PTPRD: variants seen among roughly 807,000 people sequenced by gnomAD.
PTPRD encodes the protein receptor-type tyrosine-protein phosphatase delta.
PTPRD carries 34 observed loss-of-function variants against 214.5 expected under a neutral mutation model. The ratio of observed to expected loss-of-function variants is 0.16; its 90% CI spans 0.12 to 0.21. PTPRD has a LOEUF of 0.21. Among genes scored for constraint, PTPRD ranks in the 10% least tolerant of loss-of-function variants. The pLI is 1.00. For missense variants in PTPRD, 2,545 were observed against 2,398.7 expected (o/e 1.06, Z -1.27); for synonymous variants, 1,128 against 845.7 (o/e 1.33, Z -5.79).
chr9:9,368,591 A>G (rs1304281875), intron 9 of PTPRD, among the ~76,000 whole-genome samples: 1 of 151,842 alleles, frequency 6.6e-6, no homozygotes, highest in Non-Finnish European at 1.5e-5. Flanking sequence ...AAAAAGTCCC[A>G]AAGATTATTC....
chr9:9,455,028 G>A (rs10977769), intron 8 of PTPRD, among the ~76,000 whole-genome samples: 23,130 of 151,466 alleles, frequency 0.15, 1,875 homozygotes, highest in Middle Eastern at 0.29. Flanking sequence ...CAAGTATTGC[G>A]TTTTATCTAT....
chr9:9,674,141 G>C (rs1445022353), intron 7 of PTPRD, among the ~76,000 whole-genome samples: 2 of 151,762 alleles, frequency 1.3e-5, no homozygotes, highest in Middle Eastern at 6.8e-3. Context: ...TATTTGATTT[G>C]GGGAGTTAAA....
intron 8 of PTPRD, among the ~76,000 whole-genome samples, chr9:9,468,416 T>C (rs1247406374): frequency 6.6e-6 from 1 of 152,124 alleles, no homozygotes; most frequent in Non-Finnish European, 1.5e-5. Context: ...GTTATATCTG[T>C]AAACACATAC....
At chr9:8,675,445 C>T (rs560544758) in intron 12 of PTPRD, among the ~76,000 whole-genome samples, 5 of 148,372 alleles carry the variant, frequency 3.4e-5, no homozygotes, top group African/African-American at 1.3e-4. Flanking sequence ...CCTCCCCCTC[C>T]TAAATCTATG....
At chr9:9,663,850 A>C (rs889540064) in intron 7 of PTPRD, among the ~76,000 whole-genome samples, 9 of 151,562 alleles carry the variant, frequency 5.9e-5, no homozygotes, top group Non-Finnish European at 1.2e-4. Context: ...GGAATGTCAA[A>C]AGCAAAGTTG....
Position 9,320,316 on chromosome 9 carries a change from T to C in PTPRD, c.-203+77133A>G, listed in dbSNP as rs1051574748. Among the ~76,000 whole-genome samples, 6 of 152,262 alleles carry C rather than the reference T, an allele frequency of 3.9e-5. No homozygotes were observed. In the South Asian group the frequency reaches 1.0e-3, roughly 26 times the overall value. On this transcript the variant is annotated intron_variant, in intron 9 of 45. Transcript: ENST00000381196. ...CAATACGGAGAAGAAGGTGGTGAGA[T>C]TGGGTATTTGGTTCTTATTTAAAAG...
intron 35 of PTPRD, among the ~76,000 whole-genome samples, chr9:8,409,847 T>C (rs984619049): frequency 6.6e-6 from 1 of 152,184 alleles, no homozygotes; most frequent in Non-Finnish European, 1.5e-5. Context: ...ATAGAAGGAA[T>C]AGACCAGTTA....
Position 8,674,449 on chromosome 9 carries a change from G to A in PTPRD, c.65-37605C>T, listed in dbSNP as rs534006965. ...CTCCAGCCTGGTGGCAGAGCAAGAC[G>A]CTGTCTCAAAAAAAAAAAAAAAAAA... On this transcript the variant is annotated intron_variant, in intron 12 of 45. Transcript: ENST00000381196. Among the ~76,000 whole-genome samples the A allele has an allele frequency of 1.8e-3, 164 of 91,508 alleles. 1 individual carries two copies. The highest frequency in any genetic ancestry group is 1.0e-3 in the Non-Finnish European group (53 of 52,022). 60.0% of individuals were successfully genotyped at this position (91,508 alleles called of 152,430 possible).
intron 2 of PTPRD, among the ~76,000 whole-genome samples, chr9:10,426,544 T>A (rs1219348475): frequency 6.6e-6 from 1 of 152,030 alleles, no homozygotes; most frequent in Non-Finnish European, 1.5e-5. Context: ...CATATTCACC[T>A]CATTTCTAGA....
chr9:10,179,194 A>G (rs1288688132), intron 3 of PTPRD, among the ~76,000 whole-genome samples: 1 of 152,028 alleles, frequency 6.6e-6, no homozygotes, highest in Non-Finnish European at 1.5e-5. Context: ...ACACTAAAGT[A>G]ACATTTAAAT....
intron 7 of PTPRD, among the ~76,000 whole-genome samples, chr9:9,619,126 G>A (rs2095079499): frequency 6.6e-6 from 1 of 152,092 alleles, no homozygotes. Flanking sequence ...ATTATACTAA[G>A]GCAAACGCAT....
chr9:8,580,230 T>A (rs2092927102), intron 14 of PTPRD, among the ~76,000 whole-genome samples: 1 of 152,146 alleles, frequency 6.6e-6, no homozygotes, highest in Admixed American at 6.5e-5. Flanking sequence ...CAAGGTAATA[T>A]GCAAAGAAAG....
chr9:10,194,942 T>A (rs1206950984), intron 3 of PTPRD, among the ~76,000 whole-genome samples: 1 of 99,192 alleles, frequency 1.0e-5, no homozygotes, highest in Non-Finnish European at 2.0e-5. Context: ...TTTCATTTAA[T>A]TTTTTTTTTT....
chr9:8,876,548 G>A lies in PTPRD; in HGVS notation c.-104+142149C>T, dbSNP rs565112936. Among the ~76,000 whole-genome samples the A allele has an allele frequency of 1.5e-4, 23 of 152,250 alleles. 1 individual carries two copies. The highest frequency in any genetic ancestry group is 5.3e-4 in the African/African-American group (22 of 41,542). On this transcript the variant is annotated intron_variant, in intron 11 of 45. Transcript: ENST00000381196. ...TACAGTATCCTCAGAAGAATTTGGA[G>A]CTTCGTCATTTCCTGGTTAAAGGTT... is the stretch of plus-strand genomic sequence containing the variant.
intron 3 of PTPRD, among the ~76,000 whole-genome samples, chr9:10,046,757 C>T (rs1283744657): frequency 6.6e-6 from 1 of 151,894 alleles, no homozygotes; most frequent in Non-Finnish European, 1.5e-5. Context: ...TAAAGATTCA[C>T]AAGTATATGC....
intron 37 of PTPRD, among the ~76,000 whole-genome samples, chr9:8,380,951 A>T (rs1260874248): frequency 6.6e-6 from 1 of 152,212 alleles, no homozygotes; most frequent in Non-Finnish European, 1.5e-5. Flanking sequence ...TGAGCATGGC[A>T]ACATGGCAAG....
chr9:9,254,777 G>A (rs769090160), intron 9 of PTPRD, among the ~76,000 whole-genome samples: 11 of 151,886 alleles, frequency 7.2e-5, no homozygotes, highest in East Asian at 1.9e-4. Flanking sequence ...AAAACCCTGC[G>A]CCCTCATTCC....
rs548804254 is a variant in PTPRD at position 10,210,287 on chromosome 9, A to G, written c.-545+130676T>C. The stretch of plus-strand genomic sequence containing the variant: ...TCTATATATTGCTTCTTAAAGCCAT[A>G]CAGAGGAGAGAAAAAAATGTCAGAG... On this transcript the variant is annotated intron_variant, in intron 3 of 45. Coordinates refer to ENST00000381196, the MANE Select transcript of PTPRD (RefSeq NM_002839.4). Among the ~76,000 whole-genome samples the G allele has an allele frequency of 2.6e-5, 4 of 152,322 alleles. No individual in the cohort carries two copies. In the South Asian group the frequency reaches 8.3e-4, roughly 32 times the overall value.
intron 9 of PTPRD, among the ~76,000 whole-genome samples, chr9:9,257,520 G>C (rs2099978254): frequency 6.6e-6 from 1 of 151,908 alleles, no homozygotes; most frequent in Non-Finnish European, 1.5e-5. Flanking sequence ...GGCCAAGGAT[G>C]GGGGCTCATG....
Sources: allele counts gnomAD v4.1 joint callset (sites outside exome capture counted in the v4.1 genomes callset), GRCh38; gene constraint gnomAD v4.1.1; transcripts MANE v1.5; gene names NCBI Gene and HGNC (gene_info 2026-07-23, HGNC 2026-07-21).